The following TUFT1 variants were observed in gnomAD, a reference collection of about 807,000 sequenced individuals.
TUFT1 encodes tuftelin.
TUFT1 carries 43 observed loss-of-function variants against 57.8 expected under a neutral mutation model. The ratio of observed to expected loss-of-function variants is 0.74; its 90% confidence interval spans 0.58 to 0.96. The LOEUF is 0.96. Among genes scored for constraint, TUFT1 ranks in the 40% least tolerant of loss-of-function variants. The pLI is 0.00. For synonymous variants in TUFT1, 166 were observed against 176.7 expected, an observed-to-expected ratio of 0.94 and a Z score of 0.48; for missense variants, 459 against 489.0, an observed-to-expected ratio of 0.94 and a Z score of 0.58.
chr1:151,578,799 G>A lies in TUFT1; in HGVS notation c.897G>A (p.Gln299=). 6.3e-7 allele frequency: 1 copy of A among 1,578,642 alleles called. No homozygotes were observed. The highest frequency in any genetic ancestry group is 1.3e-5 in the African/African-American group (1 of 74,296). ...HHLDDMLKSQ[Q]RKVRQMIEQL... is the part of the protein sequence containing the mutation. ...TGGATGACATGCTCAAGAGCCAGCAGCGGAAAGTCCGGCAAATGATAGAGC... is the reference window on the plus strand; with the variant it reads ...TGGATGACATGCTCAAGAGCCAGCAACGGAAAGTCCGGCAAATGATAGAGC... The change falls in exon 10 of 13, where the codon CAG becomes CAA. Residue 299 remains glutamine, a synonymous_variant. Coordinates refer to ENST00000368849, the MANE Select transcript of TUFT1 (RefSeq NM_020127.3).
chr1:151,544,990 G>A (rs529749713), intron 1 of TUFT1, among the ~76,000 whole-genome samples: 1 of 152,246 alleles, frequency 6.6e-6, no homozygotes, highest in East Asian at 1.9e-4. Flanking sequence ...TAATAAACTA[G>A]TTTCTGTTAA....
At chr1:151,564,464 G>C (rs1665998638) in intron 4 of TUFT1, 61 bp from the exon 5 acceptor site, 1 of 1,287,816 alleles carries the variant, frequency 7.8e-7, no homozygotes. Context: ...ACAGAGTTGG[G>C]TGAGTTGGCA....
chr1:151,573,090 G>A (rs1666320918), intron 7 of TUFT1, among the ~76,000 whole-genome samples: 1 of 152,136 alleles, frequency 6.6e-6, no homozygotes, highest in Non-Finnish European at 1.5e-5. Flanking sequence ...TGGATTAGAA[G>A]AACGTCAGTT....
chr1:151,547,973 C>A (rs1350318422), intron 1 of TUFT1, among the ~76,000 whole-genome samples: 2 of 152,244 alleles, frequency 1.3e-5, no homozygotes. Context: ...GCCTGTCCAG[C>A]CCATGCCTCT....
At chr1:151,556,586 T>A (rs1571695522) in intron 1 of TUFT1, among the ~76,000 whole-genome samples, 1 of 152,040 alleles carries the variant, frequency 6.6e-6, no homozygotes, top group African/African-American at 2.4e-5. Context: ...GAAAAAAACA[T>A]GTTTTTTTGA....
In TUFT1 at chr1:151,560,219, C is replaced by G. The variant is rs1322596258; in HGVS notation, c.61-1872C>G. Among the ~76,000 whole-genome samples, 3 of 151,268 alleles carry G rather than the reference C, an allele frequency of 2.0e-5. No individual in the cohort carries two copies. The East Asian group carries it at 5.9e-4, about 30-fold the overall frequency. Reference sequence around the variant, plus strand: ...GATCACAAAGTCAGGAGTTCGAGACCAGCCTGGCCAATGTGGCGAAACCCC... The same window carrying G: ...GATCACAAAGTCAGGAGTTCGAGACGAGCCTGGCCAATGTGGCGAAACCCC... On this transcript the variant is annotated intron_variant, in intron 1 of 12. Coordinates refer to ENST00000368849, the MANE Select transcript of TUFT1 (RefSeq NM_020127.3).
intron 9 of TUFT1, among the ~76,000 whole-genome samples, chr1:151,577,780 T>C (rs1666523867): frequency 6.6e-6 from 1 of 152,150 alleles, no homozygotes; most frequent in South Asian, 2.1e-4. Context: ...CCTAGCACTT[T>C]GGGAGGCCGG....
chr1:151,573,543 G>A (rs1271806385), intron 7 of TUFT1, among the ~76,000 whole-genome samples: 2 of 152,138 alleles, frequency 1.3e-5, no homozygotes, highest in Non-Finnish European at 2.9e-5. Flanking sequence ...TCAGGAGTTC[G>A]AGAGCAGCCT....
chr1:151,555,684 G>C (rs1452077768), intron 1 of TUFT1, among the ~76,000 whole-genome samples: 1 of 150,900 alleles, frequency 6.6e-6, no homozygotes, highest in Non-Finnish European at 1.5e-5. Flanking sequence ...AGCTGAGGCA[G>C]GAGAATCGTT....
chr1:151,574,134 T>G (rs1278992017), intron 7 of TUFT1, 136 bp from the exon 8 acceptor site: 2 of 1,024,476 alleles, frequency 2.0e-6, no homozygotes, highest in African/African-American at 3.2e-5. Flanking sequence ...GAGGTGGTGG[T>G]GAGCCCATCA....
At chr1:151,562,764 GT>G in intron 3 of TUFT1, 78 bp downstream of exon 3, 2 of 1,269,210 alleles carry the variant, frequency 1.6e-6, no homozygotes, top group Non-Finnish European at 2.3e-6. Flanking sequence ...AGTTGATGTT[GT>G]TGCCAAAGGG....
intron 9 of TUFT1, 39 bp from the exon 10 acceptor site, chr1:151,578,680 ATC>A: frequency 1.3e-6 from 2 of 1,503,940 alleles, no homozygotes; most frequent in Non-Finnish European, 1.8e-6. Context: ...TAAATAAGTG[ATC>A]TTGTTCCATT....
rs1373212481 is a variant in TUFT1 at position 151,560,997 on chromosome 1, TGTGTGTGA to T, written c.61-1089_61-1082del. Among the ~76,000 whole-genome samples the T allele has an allele frequency of 5.9e-4, 81 of 138,276 alleles. 1 individual carries two copies. The highest frequency in any genetic ancestry group is 1.5e-3 in the Admixed American group (19 of 12,584). The allele number at this position is 138,276 out of a possible 152,430, so 90.7% of individuals were successfully genotyped here. A position where few individuals can be genotyped will look rare whatever the true frequency, so the allele number is the denominator to read the frequency against. On this transcript the variant is annotated intron_variant, in intron 1 of 12. Coordinates refer to ENST00000368849, the MANE Select transcript of TUFT1 (RefSeq NM_020127.3). ...GTGTGTGTGTGTGTGTGTGTGTGTGTGTGTGTGAGTGTTTGAGACGGAGTCTTGCTCTG... is the reference window on the plus strand; with the variant it reads ...GTGTGTGTGTGTGTGTGTGTGTGTGTGTGTTTGAGACGGAGTCTTGCTCTG...
intron 1 of TUFT1, among the ~76,000 whole-genome samples, chr1:151,559,643 T>C (rs1410978734): frequency 6.6e-6 from 1 of 152,056 alleles, no homozygotes; most frequent in Non-Finnish European, 1.5e-5. Context: ...GAATTAAGTG[T>C]TTTCATAAAA....
chr1:151,546,862 A>T (rs1020182632), intron 1 of TUFT1, among the ~76,000 whole-genome samples: 8 of 152,206 alleles, frequency 5.3e-5, no homozygotes, highest in Non-Finnish European at 1.2e-4. Flanking sequence ...GTGTGGAAAT[A>T]TATTTTCATT....
intron 1 of TUFT1, 147 bp from the exon 2 acceptor site, chr1:151,561,944 C>G: frequency 6.7e-7 from 1 of 1,486,564 alleles, no homozygotes; most frequent in Non-Finnish European, 9.1e-7. Flanking sequence ...AATGCTGCCT[C>G]CCTGGACTTC....
intron 1 of TUFT1, chr1:151,557,307 A>C: frequency 2.1e-6 from 1 of 484,188 alleles, no homozygotes; most frequent in Non-Finnish European, 3.7e-6. Context: ...GTATAATATT[A>C]TCATATTTAA....
chr1:151,549,818 C>T (rs1665452677), intron 1 of TUFT1, among the ~76,000 whole-genome samples: 1 of 152,138 alleles, frequency 6.6e-6, no homozygotes, highest in Non-Finnish European at 1.5e-5. Context: ...ACCTTATGAG[C>T]TCAATTGATC....
In TUFT1 at chr1:151,561,577, A is replaced by G. The variant is rs572277971; in HGVS notation, c.61-514A>G. On this transcript the variant is annotated intron_variant, in intron 1 of 12. Coordinates refer to ENST00000368849, the MANE Select transcript of TUFT1 (RefSeq NM_020127.3). ...GTTGATCTCTAGATGAATACCTATT[A>G]TCTTGCCTGTTTTCACTTGGATAAT... 7.2e-5 allele frequency: 85 copies of G among 1,186,212 alleles called. 2 individuals carry two copies. In the South Asian group the frequency reaches 1.3e-3, roughly 18 times the overall value. 73.5% of individuals were successfully genotyped at this position (1,186,212 alleles called of 1,614,324 possible).
Sources: allele counts gnomAD v4.1 joint callset (sites outside exome capture counted in the v4.1 genomes callset), GRCh38; gene constraint gnomAD v4.1.1; transcripts MANE v1.5; gene names NCBI Gene and HGNC (gene_info 2026-07-23, HGNC 2026-07-21).